EP300: variants seen among roughly 807,000 people sequenced by gnomAD.
The protein encoded by EP300 is EP300 lysine acetyltransferase.
In EP300, 31 loss-of-function variants were observed where a neutral mutation model predicts 264.0. The ratio of observed to expected loss-of-function variants is 0.12; its 90% confidence interval spans 0.09 to 0.16. The LOEUF (loss-of-function observed/expected upper bound fraction) is 0.16. Among genes scored for constraint, EP300 ranks in the 10% least tolerant of loss-of-function variants. The pLI, the probability that EP300 is intolerant of heterozygous loss-of-function variation, is 1.00. For missense variants in EP300, 2,766 were observed against 3,052.9 expected (o/e 0.91, Z 2.21); for synonymous variants, 1,340 against 1,045.4 (o/e 1.28, Z -5.44).
intron 1 of EP300, among the ~76,000 whole-genome samples, chr22:41,115,785 C>T (rs1461496495): frequency 6.6e-6 from 1 of 152,146 alleles, no homozygotes; most frequent in East Asian, 1.9e-4. Context: ...CCTATTCTGG[C>T]TAGACTTTGG....
intron 10 of EP300, among the ~76,000 whole-genome samples, chr22:41,142,089 A>G (rs956992678): frequency 3.9e-5 from 6 of 152,204 alleles, no homozygotes; most frequent in Admixed American, 2.0e-4. Flanking sequence ...GTCTTACTCA[A>G]TCGTTGACTT....
intron 5 of EP300, among the ~76,000 whole-genome samples, chr22:41,130,553 C>CA (rs887249753): frequency 4.7e-5 from 7 of 147,492 alleles, no homozygotes; most frequent in Admixed American, 6.7e-5. Flanking sequence ...CAAAACAAAA[C>CA]AAAAAAAACA....
In EP300 at chr22:41,152,281, G is replaced by A. The variant is rs1448005255; in HGVS notation, c.3073G>A (p.Glu1025Lys). Residue 1025 changes from glutamate to lysine, a missense_variant, in exon 16 of 31, where the codon GAG becomes AAG. Glu to Lys is a moderately conservative substitution (Grantham distance 56). Transcript: ENST00000263253. ...CACTGAGTTAAAAACTGAAATAAAA[G>A]AGGAGGAAGACCAGCCAAGTACTTC... is the stretch of plus-strand genomic sequence containing the variant. ...RSTELKTEIK[E>K]EEDQPSTSAT... The A allele has an allele frequency of 6.2e-7, 1 of 1,614,124 alleles. No homozygotes were observed. Among genetic ancestry groups the A allele is most frequent in the Admixed American group, 1.7e-5 (1 of 60,014 alleles).
At chr22:41,144,746 G>GCAAT (rs2145730077) in intron 10 of EP300, among the ~76,000 whole-genome samples, 1 of 152,268 alleles carries the variant, frequency 6.6e-6, no homozygotes, top group Non-Finnish European at 1.5e-5. Context: ...GCCTCATGGA[G>GCAAT]CAATAATAGA....
At chr22:41,125,725 A>C (rs1302320777) in intron 2 of EP300, 139 bp from the exon 3 acceptor site, 1 of 909,186 alleles carries the variant, frequency 1.1e-6, no homozygotes, top group African/African-American at 1.7e-5. Context: ...ACGTTGCCCA[A>C]GCTGTAGTGT....
chr22:41,093,240 T>C (rs1023543379), intron 1 of EP300, 142 bp downstream of exon 1: 1 of 842,050 alleles, frequency 1.2e-6, no homozygotes, highest in Non-Finnish European at 1.9e-6. Flanking sequence ...AATGAGCTGG[T>C]CGAAGACGTC....
intron 14 of EP300, among the ~76,000 whole-genome samples, chr22:41,150,773 C>A (rs1164592249): frequency 6.6e-6 from 1 of 151,802 alleles, no homozygotes; most frequent in Non-Finnish European, 1.5e-5. Flanking sequence ...TGCCTGTAAT[C>A]CCAGCTACTC....
chr22:41,103,569 G>C (rs1258438429), intron 1 of EP300, among the ~76,000 whole-genome samples: 1 of 152,190 alleles, frequency 6.6e-6, no homozygotes, highest in Non-Finnish European at 1.5e-5. Context: ...TTTGAACAGG[G>C]TTGGTGGAAA....
chr22:41,127,431 A>T (rs1424599719), intron 3 of EP300, 56 bp from the exon 4 acceptor site: 1 of 1,604,006 alleles, frequency 6.2e-7, no homozygotes, highest in Non-Finnish European at 8.5e-7. Flanking sequence ...ATCTCTATTT[A>T]TTAAGAAATA....
At chr22:41,115,983 A>G (rs1245461537) in intron 1 of EP300, among the ~76,000 whole-genome samples, 1 of 152,180 alleles carries the variant, frequency 6.6e-6, no homozygotes, top group Non-Finnish European at 1.5e-5. Context: ...GTATTACAAT[A>G]TTTAAAATGT....
At chr22:41,101,474 C>A (rs964912319) in intron 1 of EP300, among the ~76,000 whole-genome samples, 1 of 150,234 alleles carries the variant, frequency 6.7e-6, no homozygotes, top group African/African-American at 2.5e-5. Context: ...TGCAGTGACA[C>A]GATCTCGGCT....
At chr22:41,096,082 A>G (rs2058700228) in intron 1 of EP300, among the ~76,000 whole-genome samples, 1 of 152,136 alleles carries the variant, frequency 6.6e-6, no homozygotes, top group Admixed American at 6.5e-5. Context: ...CATTTGATCC[A>G]TTGAAATTTT....
chr22:41,177,852 T>C lies in EP300; in HGVS notation c.6141T>C (p.Ser2047=), dbSNP rs1254969855. The C allele has an allele frequency of 6.2e-7, 1 of 1,614,136 alleles. No homozygotes were observed. Among genetic ancestry groups the C allele is most frequent in the South Asian group, 1.1e-5 (1 of 91,080 alleles). The change falls in exon 31 of 31, where the codon TCT becomes TCC. Residue 2047 remains serine, a synonymous_variant. Transcript: ENST00000263253. ...GISPLKPGTV[S]QQALQNLLRT... ...GCCCACTCAAACCAGGCACTGTGTC[T>C]CAACAAGCCTTACAAAACCTTTTGC...
At chr22:41,119,609 A>G (rs931987490) in intron 2 of EP300, among the ~76,000 whole-genome samples, 1 of 152,100 alleles carries the variant, frequency 6.6e-6, no homozygotes, top group Non-Finnish European at 1.5e-5. Context: ...AGAGTATGCC[A>G]GGTAAGTGCT....
intron 17 of EP300, among the ~76,000 whole-genome samples, chr22:41,156,471 A>G (rs1328910601): frequency 2.6e-5 from 4 of 152,160 alleles, no homozygotes; most frequent in Non-Finnish European, 5.9e-5. Context: ...CTGTAATCCC[A>G]ACACTTTTGG....
At position 41,149,020 on chromosome 22, in the gene EP300, GT is replaced by G. The variant is rs747710183; in HGVS notation, c.2242-4del. The stretch of plus-strand genomic sequence containing the variant: ...ATAATGAAGCAGTTTGGTGATTTGT[GT>G]TTTTTTTTTTTTTCAGCCTATGGGC... On this transcript the variant is annotated splice_polypyrimidine_tract_variant and intron_variant, in intron 12 of 30. Transcript: ENST00000263253. 111,820 of 1,379,972 alleles carry G rather than the reference GT, an allele frequency of 0.081. 286 individuals carry two copies. The highest frequency in any genetic ancestry group is 0.09 in the Non-Finnish European group (90,479 of 1,007,896). 85.5% of individuals were successfully genotyped at this position (1,379,972 alleles called of 1,614,324 possible). A position where few individuals can be genotyped will look rare whatever the true frequency, so the allele number is the denominator to read the frequency against.
intron 1 of EP300, among the ~76,000 whole-genome samples, chr22:41,097,998 A>ATT (rs556679821): frequency 1.4e-5 from 2 of 147,604 alleles, no homozygotes; most frequent in African/African-American, 5.0e-5. Context: ...CCAGCTAAAA[A>ATT]TTTTTTTTTT....
intron 1 of EP300, 99 bp downstream of exon 1, chr22:41,093,197 TC>T (rs1242336342): frequency 1.5e-5 from 17 of 1,162,490 alleles, no homozygotes; most frequent in Non-Finnish European, 2.1e-5. Context: ...TCTCTCTAGT[TC>T]CCTGCCCCTT....
intron 22 of EP300, among the ~76,000 whole-genome samples, chr22:41,165,736 A>G (rs2059130477): frequency 6.6e-6 from 1 of 150,754 alleles, no homozygotes; most frequent in East Asian, 2.0e-4. Flanking sequence ...TTCTTGATTT[A>G]TGTGTATTTA....
Sources: gnomAD v4.1 joint callset for allele counts (sites outside exome capture counted in the v4.1 genomes callset) on GRCh38, gnomAD v4.1.1 for gene constraint, MANE v1.5 for transcripts, NCBI Gene and HGNC (gene_info 2026-07-23, HGNC 2026-07-21) for gene names.